INPP5A: variants seen among roughly 807,000 people sequenced by gnomAD.
INPP5A encodes the protein 43 kDa inositol polyphosphate 5-phophatase.
In INPP5A, 14 loss-of-function variants were observed where a neutral mutation model predicts 65.2. The ratio of observed to expected loss-of-function variants is 0.21; its 90% CI spans 0.14 to 0.34. The LOEUF (loss-of-function observed/expected upper bound fraction) is 0.34. Among genes scored for constraint, INPP5A ranks in the 10% least tolerant of loss-of-function variants. The probability of loss-of-function intolerance (pLI) is 1.00; values close to 1 mark genes in which losing one functional copy is unlikely to be tolerated. For missense variants in INPP5A, 431 were observed against 545.6 expected (o/e 0.79, Z 2.09); for synonymous variants, 207 against 208.3 (o/e 0.99, Z 0.05).
At position 132,708,332 on chromosome 10, in the gene INPP5A, G is replaced by C. The variant is rs745936272; in HGVS notation, c.494G>C (p.Gly165Ala). 4 of 1,614,178 alleles carry C rather than the reference G, an allele frequency of 2.5e-6. No individual in the cohort carries two copies. The highest frequency in any genetic ancestry group is 2.2e-5 in the East Asian group (1 of 44,880). The change falls in exon 7 of 16, where the codon GGC (glycine) becomes GCC (alanine). Residue 165 changes from glycine (G) to alanine (A), a missense_variant. Gly to Ala is a moderately conservative substitution (Grantham distance 60). Transcript: ENST00000368594. ...TTTCAGTGCAAATGGTCAAGAAAAG[G>C]CTTCATCCGGACGAGGTGGTGCATT... ...YFPECKWSRK[G>A]FIRTRWCIAD...
chr10:132,715,959 G>A (rs1030341921), intron 8 of INPP5A, among the ~76,000 whole-genome samples: 21 of 152,250 alleles, frequency 1.4e-4, no homozygotes, highest in African/African-American at 4.6e-4. Context: ...TTCCGCTGCC[G>A]TGAAGCCCGC....
At chr10:132,683,502 T>G (rs918970722) in intron 4 of INPP5A, among the ~76,000 whole-genome samples, 12 of 152,354 alleles carry the variant, frequency 7.9e-5, no homozygotes, top group Non-Finnish European at 1.6e-4. Flanking sequence ...TTACCCTATG[T>G]GGAGGGTGCG....
At chr10:132,750,817 AG>A (rs1171339870) in intron 11 of INPP5A, among the ~76,000 whole-genome samples, 1 of 152,180 alleles carries the variant, frequency 6.6e-6, no homozygotes, top group Non-Finnish European at 1.5e-5. Flanking sequence ...GCGTCAGGGC[AG>A]GTGGCCCCTG....
At chr10:132,714,815 C>CT (rs1371075084) in intron 8 of INPP5A, among the ~76,000 whole-genome samples, 1 of 151,588 alleles carries the variant, frequency 6.6e-6, no homozygotes, top group African/African-American at 2.4e-5. Context: ...CACAGCCAGT[C>CT]ACAGGGCTCC....
chr10:132,595,225 G>A (rs2133320017), intron 1 of INPP5A, among the ~76,000 whole-genome samples: 1 of 152,358 alleles, frequency 6.6e-6, no homozygotes, highest in South Asian at 2.1e-4. Context: ...TGGCCACAGC[G>A]AGGAAGGGGG....
At chr10:132,739,072 C>T (rs1040115700) in intron 9 of INPP5A, among the ~76,000 whole-genome samples, 12 of 152,180 alleles carry the variant, frequency 7.9e-5, no homozygotes, top group Admixed American at 2.0e-4. Context: ...GGGCCCGCCC[C>T]GCAGCCCTCC....
intron 2 of INPP5A, among the ~76,000 whole-genome samples, chr10:132,613,435 C>G (rs78329466): frequency 0.023 from 3,569 of 152,290 alleles, 48 homozygotes; most frequent in South Asian, 0.039. Context: ...TTTCTGGAGA[C>G]TCAGCCTTTA....
intron 2 of INPP5A, among the ~76,000 whole-genome samples, chr10:132,611,020 G>A (rs1435435686): frequency 6.6e-6 from 1 of 151,334 alleles, no homozygotes; most frequent in East Asian, 1.9e-4. Flanking sequence ...AGGTGACGTG[G>A]GCAGAGGAGA....
At chr10:132,612,729 G>A (rs2071977076) in intron 2 of INPP5A, among the ~76,000 whole-genome samples, 1 of 152,234 alleles carries the variant, frequency 6.6e-6, no homozygotes, top group African/African-American at 2.4e-5. Context: ...TGGAGCCCAT[G>A]TCCGCTCTCT....
intron 1 of INPP5A, among the ~76,000 whole-genome samples, chr10:132,571,614 G>A (rs1168428888): frequency 2.0e-5 from 3 of 152,244 alleles, no homozygotes; most frequent in Non-Finnish European, 2.9e-5. Context: ...TAAGGATGTG[G>A]TGTGTCTCTA....
chr10:132,779,837 G>A (rs1245040433), intron 13 of INPP5A, among the ~76,000 whole-genome samples: 3 of 152,226 alleles, frequency 2.0e-5, no homozygotes, highest in East Asian at 1.9e-4. Flanking sequence ...AAAGGGGCTC[G>A]GGACGCGGGC....
chr10:132,698,243 G>C lies in INPP5A; in HGVS notation c.474+324G>C, dbSNP rs911194393. ...GCACCTGGGGTCTCCCGCACGCCCA[G>C]CTGGGAGAGGGTCAGGCTGACTGGT... On this transcript the variant is annotated intron_variant, in intron 6 of 15. Transcript: ENST00000368594. This position sits in a 1 kb window ranked among gnomAD's most constrained non-coding sequence, Gnocchi z 5.5. 1.3e-5 allele frequency among the ~76,000 whole-genome samples: 2 copies of C among 152,258 alleles called. No homozygotes were observed. The highest frequency in any genetic ancestry group is 2.9e-5 in the Non-Finnish European group (2 of 68,050).
intron 14 of INPP5A, among the ~76,000 whole-genome samples, chr10:132,781,491 A>G (rs1380500530): frequency 2.6e-5 from 4 of 152,208 alleles, no homozygotes; most frequent in African/African-American, 9.7e-5. Context: ...CCCGGATAAG[A>G]CGCTGGACCT....
At chr10:132,776,275 G>C (rs1847061482) in intron 12 of INPP5A, among the ~76,000 whole-genome samples, 1 of 152,206 alleles carries the variant, frequency 6.6e-6, no homozygotes, top group African/African-American at 2.4e-5. Context: ...AGGCCGGGTG[G>C]CAGCCGTGGC....
intron 9 of INPP5A, among the ~76,000 whole-genome samples, chr10:132,735,734 G>C (rs1289668742): frequency 2.0e-5 from 3 of 152,234 alleles, no homozygotes; most frequent in Non-Finnish European, 4.4e-5. Flanking sequence ...CATCTCCACA[G>C]CAATGGGAGG....
At chr10:132,634,654 T>A (rs1400883673) in intron 2 of INPP5A, among the ~76,000 whole-genome samples, 1 of 152,272 alleles carries the variant, frequency 6.6e-6, no homozygotes, top group Non-Finnish European at 1.5e-5. Context: ...TGTCAACCTC[T>A]GCCCAGTGTG....
chr10:132,591,660 T>C (rs2071621451), intron 1 of INPP5A, among the ~76,000 whole-genome samples: 1 of 152,230 alleles, frequency 6.6e-6, no homozygotes, highest in African/African-American at 2.4e-5. Context: ...GCTGTTGTTT[T>C]GTCTGTTAAT....
At chr10:132,580,284 G>A (rs1325340472) in intron 1 of INPP5A, among the ~76,000 whole-genome samples, 3 of 152,166 alleles carry the variant, frequency 2.0e-5, no homozygotes, top group East Asian at 1.9e-4. Flanking sequence ...GATCCTGGGG[G>A]CCGATTTCTC....
At chr10:132,594,495 GGTGA>G (rs992427110) in intron 1 of INPP5A, among the ~76,000 whole-genome samples, 5 of 152,066 alleles carry the variant, frequency 3.3e-5, no homozygotes, top group Non-Finnish European at 5.9e-5. Context: ...ATAGGCATGT[GGTGA>G]GTGTGTGGGG....
Sources: allele counts gnomAD v4.1 joint callset (sites outside exome capture counted in the v4.1 genomes callset), GRCh38; gene constraint gnomAD v4.1.1; non-coding constraint Gnocchi (gnomAD v3.1); transcripts MANE v1.5; gene names NCBI Gene and HGNC (gene_info 2026-07-23, HGNC 2026-07-21).